Variants in LIMCH1 observed in about 807,000 individuals in gnomAD.
LIMCH1 encodes the protein LIM and calponin homology domains 1, also known as LIM and calponin homology domains-containing protein 1.
Under a neutral mutation model 176.5 loss-of-function variants are expected in LIMCH1, and 113 were observed. The observed-to-expected ratio is 0.64, with a 90% CI of 0.55 to 0.75. The LOEUF (loss-of-function observed/expected upper bound fraction) is 0.75. LIMCH1 is among the 30% of genes least tolerant of loss of function. The probability of loss-of-function intolerance (pLI) is 0.00; values close to 1 mark genes in which losing one functional copy is unlikely to be tolerated. For missense variants in LIMCH1, 1,674 were observed against 1,814.9 expected (o/e 0.92, Z 1.41); for synonymous variants, 619 against 645.9 (o/e 0.96, Z 0.63).
chr4:41,579,876 T>C (rs2085123099), intron 1 of LIMCH1, among the ~76,000 whole-genome samples: 1 of 152,178 alleles, frequency 6.6e-6, no homozygotes, highest in Admixed American at 6.5e-5. Context: ...AGACCCAGTC[T>C]CCATTTGAAG....
intron 1 of LIMCH1, among the ~76,000 whole-genome samples, chr4:41,492,236 A>T (rs2071204753): frequency 6.6e-6 from 1 of 152,172 alleles, no homozygotes; most frequent in Admixed American, 6.5e-5. Flanking sequence ...CCCCGTCTCC[A>T]CCAAAAATAC....
At chr4:41,443,855 C>G (rs1473799410) in intron 1 of LIMCH1, among the ~76,000 whole-genome samples, 1 of 152,154 alleles carries the variant, frequency 6.6e-6, no homozygotes, top group Non-Finnish European at 1.5e-5. Flanking sequence ...GAGAACTATT[C>G]ATATAAGCAA....
At chr4:41,612,895 C>G (rs1323496153) in intron 4 of LIMCH1, 3 of 1,413,110 alleles carry the variant, frequency 2.1e-6, no homozygotes, top group South Asian at 1.7e-5. Context: ...AAAGACAGCT[C>G]CCTTTCAGAG....
intron 1 of LIMCH1, among the ~76,000 whole-genome samples, chr4:41,456,774 G>A (rs1443584622): frequency 1.3e-5 from 2 of 152,110 alleles, no homozygotes; most frequent in Non-Finnish European, 2.9e-5. Flanking sequence ...CTGTCAGCTG[G>A]GTCAGCTCAG....
chr4:41,462,345 T>C (rs1242716828), intron 1 of LIMCH1, among the ~76,000 whole-genome samples: 2 of 152,208 alleles, frequency 1.3e-5, no homozygotes, highest in African/African-American at 2.4e-5. Flanking sequence ...AAAATCTTTA[T>C]TGGTAACTTA....
At chr4:41,660,282 T>A (rs1195028625) in intron 18 of LIMCH1, among the ~76,000 whole-genome samples, 2 of 152,022 alleles carry the variant, frequency 1.3e-5, no homozygotes, top group Non-Finnish European at 2.9e-5. Context: ...GATATTTAAG[T>A]TGTTTCAATT....
chr4:41,558,344 G>A (rs575023392), intron 1 of LIMCH1, among the ~76,000 whole-genome samples: 26 of 152,168 alleles, frequency 1.7e-4, no homozygotes, highest in Non-Finnish European at 2.8e-4. Context: ...AAGGGGCGGT[G>A]TATAGGAGGG....
intron 1 of LIMCH1, among the ~76,000 whole-genome samples, chr4:41,423,062 G>T (rs1477725303): frequency 6.6e-6 from 1 of 152,116 alleles, no homozygotes; most frequent in African/African-American, 2.4e-5. Context: ...CCAGCCTGGG[G>T]ATTTAAAATG....
At chr4:41,618,751 T>A (rs2092334978) in intron 5 of LIMCH1, among the ~76,000 whole-genome samples, 2 of 152,206 alleles carry the variant, frequency 1.3e-5, no homozygotes, top group South Asian at 4.1e-4. Context: ...ATGGGTTGGT[T>A]AAAGATGCCT....
At chr4:41,658,450 C>T (rs1409200849) in intron 18 of LIMCH1, among the ~76,000 whole-genome samples, 1 of 152,172 alleles carries the variant, frequency 6.6e-6, no homozygotes. Context: ...AGAAGTTCTC[C>T]AGCATACATA....
intron 15 of LIMCH1, among the ~76,000 whole-genome samples, chr4:41,645,501 C>T (rs1460711743): frequency 1.8e-4 from 28 of 152,134 alleles, no homozygotes; most frequent in Non-Finnish European, 5.9e-5. Flanking sequence ...AGAAACATGC[C>T]TGAGATTCCA....
intron 7 of LIMCH1, among the ~76,000 whole-genome samples, chr4:41,622,315 AT>A (rs1285377593): frequency 1.3e-5 from 2 of 151,850 alleles, no homozygotes; most frequent in Non-Finnish European, 2.9e-5. Context: ...ACTAGGTACC[AT>A]TTTTCAGACT....
Position 41,524,620 on chromosome 4 carries a change from G to T in LIMCH1, c.237+142G>T, listed in dbSNP as rs77909326. The T allele has an allele frequency of 1.7e-3, 1,117 of 673,312 alleles. 10 individuals are homozygous for T. In the African/African-American group the frequency reaches 0.018, roughly 11 times the overall value. The allele number at this position is 673,312 out of a possible 1,614,324, so 41.7% of individuals were successfully genotyped here. On this transcript the variant is annotated intron_variant, in intron 3 of 26. Coordinates refer to the LIMCH1 transcript ENST00000313860. ...CGCATTGAATCCATTAAACGAAGAG[G>T]TCACTTAAAATGAAAGATTGCAGTC...
chr4:41,515,175 C>T (rs1243631793), intron 2 of LIMCH1, among the ~76,000 whole-genome samples: 2 of 152,226 alleles, frequency 1.3e-5, no homozygotes, highest in Admixed American at 6.5e-5. Context: ...AGAGTTAAAG[C>T]CCAATTTTGG....
intron 1 of LIMCH1, among the ~76,000 whole-genome samples, chr4:41,451,498 A>G (rs1007782596): frequency 6.6e-6 from 1 of 152,044 alleles, no homozygotes; most frequent in African/African-American, 2.4e-5. Context: ...CCGTCCTGCT[A>G]TATTCTGTTG....
chr4:41,387,338 C>T (rs924361191), intron 1 of LIMCH1, among the ~76,000 whole-genome samples: 6 of 152,126 alleles, frequency 3.9e-5, no homozygotes, highest in Admixed American at 3.3e-4. Context: ...AAATGGGGCT[C>T]ATATGCTTTC....
rs560234566 is a variant in LIMCH1 at position 41,453,950 on chromosome 4, T to C, written c.97-40586T>C. ...ATCTGCCTCCCCTCTTCTACCCTTC[T>C]CTCCTTGCCCCGCCTCCTCCAACAC... On this transcript the variant is annotated intron_variant, in intron 1 of 26. Coordinates refer to the LIMCH1 transcript ENST00000313860. 1.1e-3 allele frequency among the ~76,000 whole-genome samples: 165 copies of C among 152,212 alleles called. 1 individual carries two copies. In the Middle Eastern group the frequency reaches 0.014, roughly 13 times the overall value.
intron 21 of LIMCH1, among the ~76,000 whole-genome samples, chr4:41,670,541 A>C (rs1585658117): frequency 6.6e-6 from 1 of 152,202 alleles, no homozygotes; most frequent in South Asian, 2.1e-4. Flanking sequence ...GATTTTGTAC[A>C]TGTCTTCAGG....
At chr4:41,503,042 C>CATCA (rs1386910609) in intron 2 of LIMCH1, among the ~76,000 whole-genome samples, 2 of 151,904 alleles carry the variant, frequency 1.3e-5, no homozygotes, top group Non-Finnish European at 2.9e-5. Flanking sequence ...TCCATCCATC[C>CATCA]ATCCATCTCT....
Sources: gnomAD v4.1 joint callset for allele counts (sites outside exome capture counted in the v4.1 genomes callset) on GRCh38, gnomAD v4.1.1 for gene constraint, MANE v1.5 for transcripts, NCBI Gene and HGNC (gene_info 2026-07-23, HGNC 2026-07-21) for gene names.